The following LAMA2 variants were observed in gnomAD, a reference collection of about 807,000 sequenced individuals.
The protein encoded by LAMA2 is laminin subunit alpha 2.
LAMA2 carries 269 observed loss-of-function variants against 364.8 expected under a neutral mutation model. The ratio of observed to expected loss-of-function variants is 0.74; its 90% confidence interval spans 0.67 to 0.82. LAMA2 has a LOEUF of 0.82. Ranked by LOEUF, LAMA2 falls within the 40% of genes least tolerant of loss-of-function variation. LAMA2 has a pLI of 0.00. For missense variants in LAMA2, 3,807 were observed against 3,873.2 expected, an observed-to-expected ratio of 0.98 and a Z score of 0.45; for synonymous variants, 1,379 against 1,370.6, an observed-to-expected ratio of 1.01 and a Z score of -0.14.
chr6:128,936,573 T>C (rs1410716514), intron 1 of LAMA2, among the ~76,000 whole-genome samples: 4 of 152,206 alleles, frequency 2.6e-5, no homozygotes, highest in East Asian at 1.9e-4. Flanking sequence ...TTTTATTCTA[T>C]GTATATACCT....
At chr6:129,277,416 G>A (rs1171803486) in intron 17 of LAMA2, among the ~76,000 whole-genome samples, 1 of 152,104 alleles carries the variant, frequency 6.6e-6, no homozygotes, top group Non-Finnish European at 1.5e-5. Flanking sequence ...AGCTGTAACT[G>A]CAATTACAGC....
rs759811992 is a variant in LAMA2 at position 129,456,511 on chromosome 6, C to T, written c.6867+17C>T. On this transcript the variant is annotated intron_variant, in intron 48 of 64. Transcript: ENST00000421865. ...AAATTAAAGGTAATGTGTTCATCCT[C>T]CTCCTGTTTATTTCATCTTTGTTGA... 3 of 1,607,246 alleles carry T rather than the reference C, an allele frequency of 1.9e-6. No individual in the cohort carries two copies. The highest frequency in any genetic ancestry group is 3.3e-5 in the Admixed American group (2 of 59,964).
intron 22 of LAMA2, 100 bp downstream of exon 22, chr6:129,300,972 A>G: frequency 1.0e-6 from 1 of 975,722 alleles, no homozygotes; most frequent in Non-Finnish European, 1.7e-6. Flanking sequence ...TACATCACAA[A>G]ATAATGTAGA....
intron 58 of LAMA2, among the ~76,000 whole-genome samples, chr6:129,495,726 C>G (rs1785138584): frequency 6.6e-6 from 1 of 152,126 alleles, no homozygotes; most frequent in East Asian, 1.9e-4. Flanking sequence ...TATAGGGCCT[C>G]TCAAGCACAT....
chr6:128,920,768 G>A (rs923959970), intron 1 of LAMA2, among the ~76,000 whole-genome samples: 1 of 151,604 alleles, frequency 6.6e-6, no homozygotes, highest in Admixed American at 6.6e-5. Context: ...ACAAATTCAT[G>A]AGACAAAATA....
intron 1 of LAMA2, among the ~76,000 whole-genome samples, chr6:129,033,435 G>T (rs1201626300): frequency 6.6e-6 from 1 of 152,114 alleles, no homozygotes. Context: ...AAGCATAGAT[G>T]AGTCTCTTCT....
chr6:129,126,192 CT>C (rs1328804049), intron 4 of LAMA2, among the ~76,000 whole-genome samples: 1 of 152,056 alleles, frequency 6.6e-6, no homozygotes. Flanking sequence ...AATTTTGTTT[CT>C]TTTTTTGAGA....
intron 2 of LAMA2, among the ~76,000 whole-genome samples, chr6:129,053,907 G>A (rs1788276599): frequency 6.6e-6 from 1 of 152,176 alleles, no homozygotes; most frequent in Admixed American, 6.5e-5. Flanking sequence ...ATTTGAGTTG[G>A]TTTAGATGCT....
intron 15 of LAMA2, among the ~76,000 whole-genome samples, chr6:129,266,302 G>A (rs568998719): frequency 1.1e-3 from 168 of 152,106 alleles, no homozygotes; most frequent in African/African-American, 3.9e-3. Context: ...AGGATGATGG[G>A]GAACTTAGAG....
At chr6:128,944,617 A>G (rs1436971440) in intron 1 of LAMA2, among the ~76,000 whole-genome samples, 1 of 151,446 alleles carries the variant, frequency 6.6e-6, no homozygotes, top group Non-Finnish European at 1.5e-5. Context: ...ACATGGTGAA[A>G]CCTCGTCTCT....
chr6:128,888,262 G>T (rs974002530), intron 1 of LAMA2, among the ~76,000 whole-genome samples: 7 of 152,200 alleles, frequency 4.6e-5, no homozygotes, highest in African/African-American at 1.7e-4. Context: ...GTCAGAAGTT[G>T]TGAAGGAAAT....
intron 12 of LAMA2, among the ~76,000 whole-genome samples, chr6:129,248,447 C>G (rs1349484948): frequency 6.6e-6 from 1 of 152,074 alleles, no homozygotes; most frequent in Non-Finnish European, 1.5e-5. Flanking sequence ...TTTTTATTGA[C>G]AAAATGGAAA....
chr6:129,025,644 T>C (rs554657026), intron 1 of LAMA2, among the ~76,000 whole-genome samples: 1 of 152,308 alleles, frequency 6.6e-6, no homozygotes, highest in Non-Finnish European at 1.5e-5. Flanking sequence ...CCATTTTCAC[T>C]TCTTTCGATA....
At chr6:129,145,703 G>T (rs1006598944) in intron 5 of LAMA2, among the ~76,000 whole-genome samples, 1 of 151,776 alleles carries the variant, frequency 6.6e-6, no homozygotes. Context: ...TGCAGTATAA[G>T]TCAACATATA....
At chr6:129,208,180 C>T (rs1562333139) in intron 12 of LAMA2, among the ~76,000 whole-genome samples, 2 of 151,994 alleles carry the variant, frequency 1.3e-5, no homozygotes, top group East Asian at 1.9e-4. Flanking sequence ...ATTGTGTTAG[C>T]GTTAGAAGAA....
Position 129,320,621 on chromosome 6 carries a change from A to T in LAMA2, c.4142A>T (p.Asp1381Val). Reference sequence around the variant, plus strand: ...CCAGCTGACTTGATTGAAAAATGTGATTGTCCCCTGGGCTATTCTGGCCTG... The same window carrying T: ...CCAGCTGACTTGATTGAAAAATGTGTTTGTCCCCTGGGCTATTCTGGCCTG... ...TPPADLIEKC[D>V]CPLGYSGLSC... Residue 1381 changes from aspartate (D) to valine (V), a missense_variant, in exon 28 of 65, where the codon GAT becomes GTT. This residue lies in a region of LAMA2 where 3,333 missense variants were observed against 3,345.7 expected (regional missense o/e 1.00). Transcript: ENST00000421865. The T allele has an allele frequency of 6.2e-7, 1 of 1,613,020 alleles. No individual in the cohort carries two copies.
intron 17 of LAMA2, among the ~76,000 whole-genome samples, chr6:129,272,028 T>C (rs1187175355): frequency 6.6e-6 from 1 of 152,176 alleles, no homozygotes; most frequent in Non-Finnish European, 1.5e-5. Context: ...CCCAATGACC[T>C]TCTTTACTCA....
chr6:128,980,966 A>G (rs9492173), intron 1 of LAMA2, among the ~76,000 whole-genome samples: 1,729 of 152,258 alleles, frequency 0.011, 35 homozygotes, highest in African/African-American at 0.039. Flanking sequence ...GAAAGTTTCA[A>G]TCCTTTCCAG....
At chr6:129,508,545 T>C (rs1176037708) in intron 62 of LAMA2, among the ~76,000 whole-genome samples, 2 of 152,158 alleles carry the variant, frequency 1.3e-5, no homozygotes, top group Admixed American at 1.3e-4. Flanking sequence ...GTAACTATCC[T>C]TCTACTTTCT....
Sources: allele counts gnomAD v4.1 joint callset (sites outside exome capture counted in the v4.1 genomes callset), GRCh38; gene constraint gnomAD v4.1.1; regional missense constraint gnomAD v4.1.1; transcripts MANE v1.5; gene names NCBI Gene and HGNC (gene_info 2026-07-23, HGNC 2026-07-21).